Variants in FAM120A observed in about 807,000 individuals in gnomAD.
FAM120A encodes the protein constitutive coactivator of PPAR-gamma-like protein 1.
Under a neutral mutation model 109.7 loss-of-function variants are expected in FAM120A, and 15 were observed. That is an observed-to-expected ratio of 0.14 (90% confidence interval 0.09 to 0.21). The LOEUF (loss-of-function observed/expected upper bound fraction) is 0.21. Among genes scored for constraint, FAM120A ranks in the 10% least tolerant of loss-of-function variants. FAM120A has a pLI of 1.00. For synonymous variants in FAM120A, 493 were observed against 572.8 expected (o/e 0.86, Z 1.99); for missense variants, 899 against 1,439.3 (o/e 0.62, Z 6.07).
intron 14 of FAM120A, 137 bp from the exon 15 acceptor site, chr9:93,558,444 G>A (rs995797842): frequency 1.9e-5 from 20 of 1,079,714 alleles, no homozygotes; most frequent in African/African-American, 3.2e-5. Context: ...GCACAGGACA[G>A]TGAGGTGACA....
intron 5 of FAM120A, among the ~76,000 whole-genome samples, chr9:93,513,514 A>T (rs1264934556): frequency 6.6e-6 from 1 of 152,168 alleles, no homozygotes; most frequent in East Asian, 1.9e-4. Flanking sequence ...GGTGTCTGTG[A>T]CTACACACAT....
intron 12 of FAM120A, among the ~76,000 whole-genome samples, chr9:93,555,676 G>A (rs1329259634): frequency 1.3e-5 from 2 of 152,192 alleles, no homozygotes; most frequent in Admixed American, 6.5e-5. Context: ...TGGGCTCTAC[G>A]TATAGAAGGT....
At chr9:93,520,434 T>G (rs1860798163) in intron 7 of FAM120A, among the ~76,000 whole-genome samples, 1 of 152,204 alleles carries the variant, frequency 6.6e-6, no homozygotes, top group African/African-American at 2.4e-5. Flanking sequence ...TTGTTCACCG[T>G]CACTAAGAAT....
intron 17 of FAM120A, among the ~76,000 whole-genome samples, chr9:93,563,021 G>A (rs1457161937): frequency 6.6e-6 from 1 of 152,142 alleles, no homozygotes; most frequent in African/African-American, 2.4e-5. Flanking sequence ...AGAAAATGAC[G>A]ATTGCATTGA....
chr9:93,561,431 G>A (rs1211803729), intron 16 of FAM120A, among the ~76,000 whole-genome samples, 181 bp downstream of exon 16: 1 of 152,062 alleles, frequency 6.6e-6, no homozygotes, highest in Non-Finnish European at 1.5e-5. Flanking sequence ...GGGTCTCACT[G>A]TCACCCAGGC....
At chr9:93,506,081 C>T (rs556972327) in intron 5 of FAM120A, among the ~76,000 whole-genome samples, 10 of 152,148 alleles carry the variant, frequency 6.6e-5, no homozygotes, top group African/African-American at 2.4e-4. Flanking sequence ...GTTCTAGTTG[C>T]CATAGCCTTG....
At chr9:93,555,749 G>C (rs993817404) in intron 12 of FAM120A, among the ~76,000 whole-genome samples, 2 of 152,178 alleles carry the variant, frequency 1.3e-5, no homozygotes, top group African/African-American at 4.8e-5. Flanking sequence ...AGTATGTATG[G>C]TTCAAGAACC....
chr9:93,541,589 C>T (rs1377283773), intron 10 of FAM120A, among the ~76,000 whole-genome samples: 2 of 152,178 alleles, frequency 1.3e-5, no homozygotes, highest in Non-Finnish European at 2.9e-5. Context: ...GGACTTTAAG[C>T]ATTTGGAGTG....
At chr9:93,544,735 C>T (rs577743697) in intron 11 of FAM120A, among the ~76,000 whole-genome samples, 2 of 152,282 alleles carry the variant, frequency 1.3e-5, no homozygotes, top group African/African-American at 4.8e-5. Flanking sequence ...CAACAGTGTC[C>T]TTTATGACAA....
chr9:93,459,032 CTT>C (rs1857675070), intron 1 of FAM120A, among the ~76,000 whole-genome samples: 1 of 152,204 alleles, frequency 6.6e-6, no homozygotes, highest in Non-Finnish European at 1.5e-5. Flanking sequence ...GTCATTCCCT[CTT>C]GTTTAACTAC....
intron 3 of FAM120A, among the ~76,000 whole-genome samples, chr9:93,488,263 C>G (rs1355898547): frequency 2.6e-5 from 4 of 152,158 alleles, no homozygotes; most frequent in Non-Finnish European, 5.9e-5. Flanking sequence ...GTCACATCCC[C>G]AACGCTTAAC....
chr9:93,526,252 A>G (rs79534420), intron 7 of FAM120A, among the ~76,000 whole-genome samples: 5,349 of 152,292 alleles, frequency 0.035, 160 homozygotes, highest in African/African-American at 0.067. Context: ...GCCCCTGCAC[A>G]TCCTCTGCTA....
In FAM120A at chr9:93,487,434, T is replaced by A. The variant is rs1859112356; in HGVS notation, c.805-10037T>A. Among the ~76,000 whole-genome samples, 3 of 152,184 alleles carry A rather than the reference T, an allele frequency of 2.0e-5. No homozygotes were observed. The South Asian group carries it at 6.2e-4, about 32-fold the overall frequency. On this transcript the variant is annotated intron_variant, in intron 3 of 17. Coordinates refer to ENST00000277165, the MANE Select transcript of FAM120A (RefSeq NM_014612.5). Reference sequence around the variant, plus strand: ...ACCTAGGCCTCCCAAAGTGCTGGGATTATGGGCATGAGCCACCGCACCTGG... The same window carrying A: ...ACCTAGGCCTCCCAAAGTGCTGGGAATATGGGCATGAGCCACCGCACCTGG...
rs1375068584 is a variant in FAM120A, at chr9:93,452,648, G to A, written c.474+259G>A. On this transcript the variant is annotated intron_variant, in intron 1 of 17. Coordinates refer to ENST00000277165, the MANE Select transcript of FAM120A (RefSeq NM_014612.5). The surrounding 1 kb of genome is among the most constrained non-coding windows in gnomAD (Gnocchi z 7.0). Reference sequence around the variant, plus strand: ...GGGGACACTTGAGGGCTGGGAGAGAGCCCCGGACCAGAATTCGGAGGCGAC... The same window carrying A: ...GGGGACACTTGAGGGCTGGGAGAGAACCCCGGACCAGAATTCGGAGGCGAC... 1.3e-6 allele frequency: 2 copies of A among 1,598,970 alleles called. No homozygotes were observed. The highest frequency in any genetic ancestry group is 1.7e-6 in the Non-Finnish European group (2 of 1,179,920).
chr9:93,467,833 G>A (rs1858116947), intron 1 of FAM120A, among the ~76,000 whole-genome samples: 1 of 151,934 alleles, frequency 6.6e-6, no homozygotes, highest in South Asian at 2.1e-4. Flanking sequence ...GAGGAAGGAG[G>A]TAATTATGAA....
At chr9:93,483,114 C>T (rs932970511) in intron 3 of FAM120A, among the ~76,000 whole-genome samples, 2 of 152,100 alleles carry the variant, frequency 1.3e-5, no homozygotes, top group Non-Finnish European at 2.9e-5. Context: ...AGATGAACTT[C>T]GTTTATTTCT....
chr9:93,548,611 AAAG>A (rs1861980526), intron 11 of FAM120A, among the ~76,000 whole-genome samples: 1 of 152,256 alleles, frequency 6.6e-6, no homozygotes, highest in South Asian at 2.1e-4. Context: ...TAAAAAATAA[AAAG>A]AAATTAAAAT....
chr9:93,485,778 G>A lies in FAM120A; in HGVS notation c.804+9440G>A, dbSNP rs139871255. Among the ~76,000 whole-genome samples, 373 of 149,450 alleles carry A rather than the reference G, an allele frequency of 2.5e-3. 1 individual carries two copies. Among genetic ancestry groups the A allele is most frequent in the African/African-American group, 8.4e-3 (346 of 41,308 alleles). On this transcript the variant is annotated intron_variant, in intron 3 of 17. Transcript: ENST00000277165. The stretch of plus-strand genomic sequence containing the variant: ...CCCAAAAAGAAGCCATGTCCGCTTC[G>A]GCAGTCACTCTCCACTTCTTTCCCT...
intron 1 of FAM120A, among the ~76,000 whole-genome samples, chr9:93,453,917 G>C (rs899075811): frequency 6.6e-6 from 1 of 152,194 alleles, no homozygotes; most frequent in African/African-American, 2.4e-5. Flanking sequence ...TTTGGTAACC[G>C]CACAGCTCTC....
Sources: gnomAD v4.1 joint callset for allele counts (sites outside exome capture counted in the v4.1 genomes callset) on GRCh38, gnomAD v4.1.1 for gene constraint, Gnocchi (gnomAD v3.1) non-coding constraint, MANE v1.5 for transcripts, NCBI Gene and HGNC (gene_info 2026-07-23, HGNC 2026-07-21) for gene names.